CDH13: variants seen among roughly 807,000 people sequenced by gnomAD.
CDH13 encodes the protein cadherin-13.
Under a neutral mutation model 63.8 loss-of-function variants are expected in CDH13, and 24 were observed. That is an observed-to-expected ratio of 0.38 (90% CI 0.27 to 0.53). The LOEUF (loss-of-function observed/expected upper bound fraction) is 0.53. Among genes scored for constraint, CDH13 ranks in the 20% least tolerant of loss-of-function variants. CDH13 has a pLI of 0.85. For missense variants in CDH13, 1,049 were observed against 903.1 expected (o/e 1.16, Z -2.07); for synonymous variants, 503 against 355.3 (o/e 1.42, Z -4.67).
At chr16:83,225,222 G>A (rs2039805462) in intron 5 of CDH13, among the ~76,000 whole-genome samples, 1 of 152,156 alleles carries the variant, frequency 6.6e-6, no homozygotes, top group Non-Finnish European at 1.5e-5. Flanking sequence ...CATGGCAGCT[G>A]ACCTGATCAC....
At chr16:83,557,384 C>T (rs1489801862) in intron 7 of CDH13, among the ~76,000 whole-genome samples, 3 of 152,106 alleles carry the variant, frequency 2.0e-5, no homozygotes, top group Admixed American at 1.3e-4. Flanking sequence ...ATCCCAAAAC[C>T]ATCCCCACTC....
chr16:83,788,869 G>A (rs1916066205), intron 13 of CDH13, among the ~76,000 whole-genome samples: 2 of 152,098 alleles, frequency 1.3e-5, no homozygotes, highest in Admixed American at 1.3e-4. Flanking sequence ...TTGTGTAGCT[G>A]GAAAGTATTC....
At chr16:82,665,222 G>A (rs889298945) in intron 1 of CDH13, among the ~76,000 whole-genome samples, 2 of 152,104 alleles carry the variant, frequency 1.3e-5, no homozygotes, top group Non-Finnish European at 2.9e-5. Context: ...CTGTCAAAAT[G>A]GCCCCAAGTG....
chr16:82,871,023 C>T (rs755827003), intron 2 of CDH13, among the ~76,000 whole-genome samples: 1 of 152,160 alleles, frequency 6.6e-6, no homozygotes, highest in Non-Finnish European at 1.5e-5. Flanking sequence ...TAAGACTGTT[C>T]ATGGAGTCAA....
intron 7 of CDH13, among the ~76,000 whole-genome samples, chr16:83,565,166 T>C (rs975509934): frequency 2.0e-5 from 3 of 152,150 alleles, no homozygotes; most frequent in African/African-American, 7.2e-5. Context: ...TTTCAGACTC[T>C]TGTCCTCTAG....
At chr16:82,994,750 C>G (rs1436883055) in intron 2 of CDH13, among the ~76,000 whole-genome samples, 1 of 152,214 alleles carries the variant, frequency 6.6e-6, no homozygotes, top group Non-Finnish European at 1.5e-5. Flanking sequence ...CACTTCTTAG[C>G]TGGCTCAGAT....
chr16:83,597,961 C>A (rs1907429625), intron 7 of CDH13, among the ~76,000 whole-genome samples: 1 of 152,200 alleles, frequency 6.6e-6, no homozygotes, highest in South Asian at 2.1e-4. Flanking sequence ...TAAACTTTGA[C>A]CTCTTTGGAG....
chr16:82,696,310 A>G (rs754014974), intron 1 of CDH13, among the ~76,000 whole-genome samples: 13 of 152,234 alleles, frequency 8.5e-5, no homozygotes, highest in Non-Finnish European at 1.2e-4. Flanking sequence ...TATATTTTAT[A>G]TATAAATGAA....
intron 1 of CDH13, among the ~76,000 whole-genome samples, chr16:82,721,999 T>TA (rs1169564210): frequency 1.3e-5 from 2 of 152,146 alleles, no homozygotes; most frequent in African/African-American, 4.8e-5. Flanking sequence ...CACTGACCCA[T>TA]AGTCGGACAG....
intron 2 of CDH13, among the ~76,000 whole-genome samples, chr16:83,002,085 A>G (rs895902426): frequency 2.0e-5 from 3 of 152,232 alleles, no homozygotes; most frequent in Admixed American, 2.0e-4. Context: ...ACAACAGTGG[A>G]TATGATGGGT....
In CDH13 at chr16:83,797,267, C is replaced by A. The variant is rs1220690969; in HGVS notation, c.*2237C>A. ...CTTCAGCCACATGCAGGGAGAAACA[C>A]AGCAGCTGAGTGGCCATTCACTCAA... On this transcript the variant is annotated 3_prime_UTR_variant, in exon 14 of 14. Transcript: ENST00000567109. 6.6e-6 allele frequency: 1 copy of A among 152,262 alleles called. No individual in the cohort carries two copies. The highest frequency in any genetic ancestry group is 1.5e-5 in the Non-Finnish European group (1 of 68,048). The allele number at this position is 152,262 out of a possible 1,614,324, so 9.4% of individuals were successfully genotyped here. A position where few individuals can be genotyped will look rare whatever the true frequency, so the allele number is the denominator to read the frequency against.
intron 7 of CDH13, among the ~76,000 whole-genome samples, chr16:83,510,214 C>T (rs2074524735): frequency 6.6e-6 from 1 of 152,092 alleles, no homozygotes; most frequent in Non-Finnish European, 1.5e-5. Context: ...AAGTGAAGAA[C>T]ATTTTTTATT....
At chr16:82,979,154 A>T (rs985593010) in intron 2 of CDH13, among the ~76,000 whole-genome samples, 1 of 152,244 alleles carries the variant, frequency 6.6e-6, no homozygotes, top group African/African-American at 2.4e-5. Context: ...CATTTGGAAC[A>T]GATGTATTTA....
intron 7 of CDH13, among the ~76,000 whole-genome samples, chr16:83,517,321 A>C (rs2074720393): frequency 6.6e-6 from 1 of 152,252 alleles, no homozygotes; most frequent in Non-Finnish European, 1.5e-5. Flanking sequence ...TGCTGCAGTA[A>C]CAAGTTAACC....
At chr16:83,629,506 T>C (rs1910597234) in intron 8 of CDH13, among the ~76,000 whole-genome samples, 1 of 152,230 alleles carries the variant, frequency 6.6e-6, no homozygotes, top group Non-Finnish European at 1.5e-5. Context: ...TTCAGCAGCA[T>C]GCCATCTCTC....
intron 3 of CDH13, among the ~76,000 whole-genome samples, chr16:83,053,642 C>G (rs141468576): frequency 6.6e-6 from 1 of 151,980 alleles, no homozygotes; most frequent in Admixed American, 6.6e-5. Context: ...AAAATATATC[C>G]TGTAAATATT....
At chr16:83,597,346 A>G (rs1907364836) in intron 7 of CDH13, among the ~76,000 whole-genome samples, 1 of 152,234 alleles carries the variant, frequency 6.6e-6, no homozygotes, top group Non-Finnish European at 1.5e-5. Flanking sequence ...TAAAATGAAC[A>G]GCTCTGTAAA....
intron 2 of CDH13, among the ~76,000 whole-genome samples, chr16:82,924,732 A>C (rs928272287): frequency 2.0e-5 from 3 of 152,226 alleles, no homozygotes; most frequent in Non-Finnish European, 2.9e-5. Flanking sequence ...CACCATGGCC[A>C]GCCCTTCTCA....
At chr16:83,519,625 C>T (rs892413878) in intron 7 of CDH13, among the ~76,000 whole-genome samples, 6 of 152,138 alleles carry the variant, frequency 3.9e-5, no homozygotes, top group Admixed American at 3.3e-4. Flanking sequence ...ATGAGTTAAA[C>T]CTATTTCTAA....
Sources: allele counts gnomAD v4.1 joint callset (sites outside exome capture counted in the v4.1 genomes callset), GRCh38; gene constraint gnomAD v4.1.1; transcripts MANE v1.5; gene names NCBI Gene and HGNC (gene_info 2026-07-23, HGNC 2026-07-21).